The following XYLB variants were observed in gnomAD, a reference collection of about 807,000 sequenced individuals.
XYLB encodes xylulokinase.
Under a neutral mutation model 78.7 loss-of-function variants are expected in XYLB, and 62 were observed. That is an observed-to-expected ratio of 0.79 (90% CI 0.64 to 0.97). The LOEUF is 0.97. Ranked by LOEUF, XYLB falls within the 50% of genes least tolerant of loss-of-function variation. XYLB has a pLI of 0.00. For synonymous variants in XYLB, 245 were observed against 247.4 expected (o/e 0.99, Z 0.09); for missense variants, 687 against 676.8 (o/e 1.02, Z -0.17).
chr3:38,381,172 G>A (rs945757659), intron 15 of XYLB, among the ~76,000 whole-genome samples: 38 of 152,250 alleles, frequency 2.5e-4, no homozygotes, highest in African/African-American at 8.9e-4. Flanking sequence ...AAGATTTCAT[G>A]GACATTTATT....
chr3:38,396,430 G>A (rs1258272105), intron 16 of XYLB, among the ~76,000 whole-genome samples: 1 of 152,178 alleles, frequency 6.6e-6, no homozygotes, highest in Non-Finnish European at 1.5e-5. Context: ...GTGAGCGGTG[G>A]CCTATGCTCA....
At chr3:38,388,169 G>GTTTTTTTTTTTTTTTTTTTTTTTT (rs71085320) in intron 15 of XYLB, among the ~76,000 whole-genome samples, 1 of 109,346 alleles carries the variant, frequency 9.1e-6, no homozygotes, top group African/African-American at 3.2e-5. Flanking sequence ...GTTTTTTTTT[G>GTTTTTTTTTTTTTTTTTTTTTTTT]TTTTTTTTTT....
At chr3:38,375,443 G>T (rs1706802826) in intron 12 of XYLB, among the ~76,000 whole-genome samples, 184 bp downstream of exon 12, 1 of 152,190 alleles carries the variant, frequency 6.6e-6, no homozygotes, top group African/African-American at 2.4e-5. Flanking sequence ...AGAGCTGGGT[G>T]GGGAATAACC....
intron 1 of XYLB, among the ~76,000 whole-genome samples, chr3:38,347,367 C>G (rs1705125625): frequency 6.6e-6 from 1 of 152,220 alleles, no homozygotes; most frequent in South Asian, 2.1e-4. Flanking sequence ...CAGATTATAG[C>G]CCAAAACCTT....
At chr3:38,423,103 C>A (rs1438523404), downstream of XYLB, among the ~76,000 whole-genome samples, 1 of 152,088 alleles carries the variant, frequency 6.6e-6, no homozygotes, top group East Asian at 1.9e-4. Flanking sequence ...GATGGAGTCT[C>A]GCTCTGCTGC....
chr3:38,394,880 C>A (rs1707804183), intron 15 of XYLB, among the ~76,000 whole-genome samples: 1 of 152,154 alleles, frequency 6.6e-6, no homozygotes, highest in Non-Finnish European at 1.5e-5. Flanking sequence ...GCCATGTAGA[C>A]CTCTCCCTAG....
At chr3:38,444,166 A>G in the XYLB span, among the ~76,000 whole-genome samples, 2 of 152,186 alleles carry the variant, frequency 1.3e-5, no homozygotes, top group African/African-American at 4.8e-5. Flanking sequence ...ACCCTGTAGG[A>G]CATCTATATA....
chr3:38,388,173 T>G (rs1322310685), intron 15 of XYLB, among the ~76,000 whole-genome samples: 7 of 141,908 alleles, frequency 4.9e-5, no homozygotes, highest in African/African-American at 1.8e-4. Context: ...TTTTTTGTTT[T>G]TTTTTTTTTT....
chr3:38,439,111 C>G, the XYLB span, among the ~76,000 whole-genome samples: 2 of 152,162 alleles, frequency 1.3e-5, no homozygotes, highest in Non-Finnish European at 2.9e-5. Context: ...TCTCAATCTC[C>G]CCTCTAAACA....
exon 18 of XYLB, among the ~76,000 whole-genome samples, chr3:38,420,586 G>A (rs1208256263): frequency 6.6e-6 from 1 of 152,220 alleles, no homozygotes; most frequent in Admixed American, 6.5e-5. Flanking sequence ...GAATTCACCA[G>A]TGAAACCATC....
Position 38,368,188 on chromosome 3 carries a change from A to T in XYLB, c.577A>T (p.Ile193Phe). 6.2e-7 allele frequency: 1 copy of T among 1,613,878 alleles called. No homozygotes were observed. Among genetic ancestry groups the T allele is most frequent in the South Asian group, 1.1e-5 (1 of 91,062 alleles). Residue 193 changes from isoleucine (I) to phenylalanine (F), a missense_variant, in exon 8 of 19, where the codon ATT becomes TTT. Coordinates refer to ENST00000207870, the MANE Select transcript of XYLB (RefSeq NM_005108.4). ...TCACTGTTTCTTTCCTTTACAGAGA[A>T]TTTCTTTGGTCAGTAGCTTTGCTGC... is the stretch of plus-strand genomic sequence containing the variant. Reference protein sequence around the residue: ...NPEAYSHTERISLVSSFAASL... With the variant: ...NPEAYSHTERFSLVSSFAASL...
downstream of XYLB, among the ~76,000 whole-genome samples, chr3:38,423,973 G>T (rs1043493002): frequency 1.3e-5 from 2 of 152,076 alleles, no homozygotes; most frequent in African/African-American, 4.8e-5. Flanking sequence ...AAAAATTACT[G>T]GAAAACATTA....
the XYLB span, among the ~76,000 whole-genome samples, chr3:38,433,815 C>T: frequency 2.0e-5 from 3 of 152,184 alleles, no homozygotes. Context: ...CTGACCTCTG[C>T]CTCTTACCCA....
At chr3:38,438,609 C>T in the XYLB span, among the ~76,000 whole-genome samples, 1 of 152,210 alleles carries the variant, frequency 6.6e-6, no homozygotes, top group East Asian at 1.9e-4. Flanking sequence ...AAGAATGAAG[C>T]TGCGGACCTT....
the XYLB span, among the ~76,000 whole-genome samples, chr3:38,434,949 A>G: frequency 2.0e-5 from 3 of 152,188 alleles, no homozygotes; most frequent in Non-Finnish European, 2.9e-5. Flanking sequence ...CCTGGCTAAC[A>G]TAGCAAAACC....
At chr3:38,451,568 C>G in the XYLB span, 1 of 152,252 alleles carries the variant, frequency 6.6e-6, no homozygotes, top group Non-Finnish European at 1.5e-5. Flanking sequence ...TCGCAGTGAG[C>G]CGAGATCGTG....
chr3:38,452,182 G>A, the XYLB span: 1 of 152,258 alleles, frequency 6.6e-6, no homozygotes, highest in Non-Finnish European at 1.5e-5. Context: ...TTCTTGCTTG[G>A]CACACAGTCG....
At chr3:38,415,261 T>G (rs1708749501), downstream of XYLB, among the ~76,000 whole-genome samples, 1 of 152,192 alleles carries the variant, frequency 6.6e-6, no homozygotes, top group African/African-American at 2.4e-5. Flanking sequence ...CCTTTAAGTA[T>G]CAAGGATATA....
chr3:38,398,058 T>A (rs1005279061), intron 17 of XYLB, among the ~76,000 whole-genome samples: 4 of 151,664 alleles, frequency 2.6e-5, no homozygotes, highest in Non-Finnish European at 5.9e-5. Context: ...GACTTTGTGA[T>A]CTGCCCACCT....
Sources: allele counts gnomAD v4.1 joint callset (sites outside exome capture counted in the v4.1 genomes callset), GRCh38; gene constraint gnomAD v4.1.1; transcripts MANE v1.5; gene names NCBI Gene and HGNC (gene_info 2026-07-23, HGNC 2026-07-21).